Variants in CSMD1 observed in about 807,000 individuals in gnomAD.
The protein encoded by CSMD1 is CUB and Sushi multiple domains 1.
In CSMD1, 213 loss-of-function variants were observed where a neutral mutation model predicts 417.5. The observed-to-expected ratio is 0.51, with a 90% CI of 0.46 to 0.57. CSMD1 has a LOEUF of 0.57. Among genes scored for constraint, CSMD1 ranks in the 20% least tolerant of loss-of-function variants. The pLI is 0.00. For synonymous variants in CSMD1, 2,862 were observed against 1,736.8 expected, an observed-to-expected ratio of 1.65 and a Z score of -16.11; for missense variants, 6,923 against 4,529.7, an observed-to-expected ratio of 1.53 and a Z score of -15.17.
At chr8:4,041,017 C>CTTTTTTTTTTTTTTTTTTTTCT (rs36145371) in intron 3 of CSMD1, among the ~76,000 whole-genome samples, 1 of 100,158 alleles carries the variant, frequency 1.0e-5, no homozygotes, top group Non-Finnish European at 2.0e-5. Flanking sequence ...TTTTTTTTTC[C>CTTTTTTTTTTTTTTTTTTTTCT]TTTTTTTTTT....
rs189399166 is a variant in CSMD1 at position 4,882,935 on chromosome 8, G to C, written c.85+111397C>G. On this transcript the variant is annotated intron_variant, in intron 1 of 69. Coordinates refer to ENST00000635120, the MANE Select transcript of CSMD1 (RefSeq NM_033225.6). Reference sequence around the variant, plus strand: ...TAGATTAAGTGAAGAAAACCATCAAGAGGGAGCTAGCAGTGTTAGCTCCAA... The same window carrying C: ...TAGATTAAGTGAAGAAAACCATCAACAGGGAGCTAGCAGTGTTAGCTCCAA... 1.8e-3 allele frequency among the ~76,000 whole-genome samples: 275 copies of C among 152,094 alleles called. 1 individual carries two copies. The highest frequency in any genetic ancestry group is 3.4e-3 in the Middle Eastern group (1 of 294).
At chr8:4,244,729 G>A (rs571945087) in intron 3 of CSMD1, among the ~76,000 whole-genome samples, 1 of 151,936 alleles carries the variant, frequency 6.6e-6, no homozygotes, top group African/African-American at 2.4e-5. Context: ...TACCTCAATG[G>A]AATAATTTTT....
chr8:4,192,104 G>A (rs911427666), intron 3 of CSMD1, among the ~76,000 whole-genome samples: 6 of 152,152 alleles, frequency 3.9e-5, no homozygotes, highest in Admixed American at 3.9e-4. Context: ...AACGTGGGAA[G>A]GAGAAGGATC....
intron 3 of CSMD1, among the ~76,000 whole-genome samples, chr8:4,169,462 C>T (rs892521347): frequency 6.6e-6 from 1 of 152,146 alleles, no homozygotes; most frequent in Admixed American, 6.5e-5. Flanking sequence ...TTCAACATAT[C>T]CCAAATCTGA....
chr8:3,862,644 C>A (rs1409078983), intron 5 of CSMD1, among the ~76,000 whole-genome samples: 1 of 152,198 alleles, frequency 6.6e-6, no homozygotes. Flanking sequence ...TAAACCAAAT[C>A]TCTAAATATT....
chr8:3,821,374 G>A (rs898633922), intron 5 of CSMD1, among the ~76,000 whole-genome samples: 1 of 152,192 alleles, frequency 6.6e-6, no homozygotes, highest in Non-Finnish European at 1.5e-5. Context: ...TGGCAGCGCA[G>A]GTTTGCATAT....
At chr8:2,938,860 T>C (rs373703291) in intron 69 of CSMD1, 116 bp from the exon 70 acceptor site, 72 of 883,548 alleles carry the variant, frequency 8.1e-5, no homozygotes, top group East Asian at 4.6e-4. Flanking sequence ...GCCAGGACGT[T>C]TGCAAAGAAG....
chr8:4,613,120 C>T (rs180869510), intron 2 of CSMD1, among the ~76,000 whole-genome samples: 1 of 152,286 alleles, frequency 6.6e-6, no homozygotes, highest in African/African-American at 2.4e-5. Context: ...CACACAGGTA[C>T]ACAATTCTAA....
At chr8:4,408,291 A>G (rs996799485) in intron 3 of CSMD1, among the ~76,000 whole-genome samples, 32 of 152,214 alleles carry the variant, frequency 2.1e-4, no homozygotes, top group African/African-American at 7.2e-4. Context: ...ATTATGAAAG[A>G]ACCAGTGTCA....
chr8:4,038,061 A>G (rs1304815182), intron 3 of CSMD1, among the ~76,000 whole-genome samples: 2 of 152,182 alleles, frequency 1.3e-5, no homozygotes, highest in African/African-American at 4.8e-5. Flanking sequence ...AAATTAATTC[A>G]AAAAGTTTGG....
At chr8:3,419,114 G>A (rs1343389870) in intron 12 of CSMD1, among the ~76,000 whole-genome samples, 2 of 152,186 alleles carry the variant, frequency 1.3e-5, no homozygotes, top group Non-Finnish European at 2.9e-5. Flanking sequence ...TGGAGGTCGA[G>A]GCTTCTCAAT....
intron 41 of CSMD1, among the ~76,000 whole-genome samples, chr8:3,142,090 C>T (rs1211462765): frequency 6.6e-6 from 1 of 152,188 alleles, no homozygotes; most frequent in Admixed American, 6.5e-5. Flanking sequence ...AGCCACCGCG[C>T]CCGGCCGCCA....
At chr8:4,623,102 A>G (rs1370883529) in intron 2 of CSMD1, among the ~76,000 whole-genome samples, 1 of 152,178 alleles carries the variant, frequency 6.6e-6, no homozygotes, top group Non-Finnish European at 1.5e-5. Flanking sequence ...TATTTCAGTC[A>G]AAGAACTCGA....
At position 4,610,813 on chromosome 8, in the gene CSMD1, T is replaced by C. The variant is rs189427946; in HGVS notation, c.302+26529A>G. Reference sequence around the variant, plus strand: ...CCTTTCACAAGAGTTCAGGATGGCATGCATGCCTGTGAGTATAAACAACTG... The same window carrying C: ...CCTTTCACAAGAGTTCAGGATGGCACGCATGCCTGTGAGTATAAACAACTG... On this transcript the variant is annotated intron_variant, in intron 2 of 69. Coordinates refer to ENST00000635120, the MANE Select transcript of CSMD1 (RefSeq NM_033225.6). Among the ~76,000 whole-genome samples, 3 of 152,324 alleles carry C rather than the reference T, an allele frequency of 2.0e-5. No individual in the cohort carries two copies. In the East Asian group the frequency reaches 5.8e-4, roughly 29 times the overall value.
intron 1 of CSMD1, among the ~76,000 whole-genome samples, chr8:4,867,641 C>G (rs950351582): frequency 6.6e-6 from 1 of 151,930 alleles, no homozygotes; most frequent in African/African-American, 2.4e-5. Context: ...GTCGCAATGC[C>G]AGATTGGAAA....
chr8:4,863,136 T>G (rs1802233707), intron 1 of CSMD1, among the ~76,000 whole-genome samples: 1 of 152,128 alleles, frequency 6.6e-6, no homozygotes, highest in Non-Finnish European at 1.5e-5. Flanking sequence ...AATAAATTAC[T>G]GAGTTTACAT....
chr8:4,219,564 A>G, intron 3 of CSMD1, among the ~76,000 whole-genome samples: 1 of 152,314 alleles, frequency 6.6e-6, no homozygotes, highest in Middle Eastern at 3.4e-3. Flanking sequence ...TTAAAAAAAA[A>G]ACTTAAAAAT....
chr8:4,951,460 A>AGAAGGAAG (rs957403404), intron 1 of CSMD1, among the ~76,000 whole-genome samples: 1 of 151,208 alleles, frequency 6.6e-6, no homozygotes, highest in Non-Finnish European at 1.5e-5. Flanking sequence ...AAGGAAGGAA[A>AGAAGGAAG]GAAGGAAGGA....
intron 5 of CSMD1, among the ~76,000 whole-genome samples, chr8:3,887,486 C>G (rs1563179502): frequency 6.6e-6 from 1 of 152,196 alleles, no homozygotes; most frequent in Non-Finnish European, 1.5e-5. Context: ...CAGTTCTCAC[C>G]TCTGGCTGAA....
Sources: allele counts gnomAD v4.1 joint callset (sites outside exome capture counted in the v4.1 genomes callset), GRCh38; gene constraint gnomAD v4.1.1; transcripts MANE v1.5; gene names NCBI Gene and HGNC (gene_info 2026-07-23, HGNC 2026-07-21).